RIPK1: variants seen among roughly 807,000 people sequenced by gnomAD.
RIPK1 encodes the protein receptor interacting serine/threonine kinase 1, also known as receptor-interacting serine/threonine-protein kinase 1.
In RIPK1, 27 loss-of-function variants were observed where a neutral mutation model predicts 62.4. The observed-to-expected ratio is 0.43, with a 90% CI of 0.32 to 0.60. The LOEUF is 0.60. RIPK1 is among the 20% of genes least tolerant of loss of function. The probability of loss-of-function intolerance (pLI) is 0.07; values close to 1 mark genes in which losing one functional copy is unlikely to be tolerated. For missense variants in RIPK1, 735 were observed against 831.0 expected (o/e 0.88, Z 1.42); for synonymous variants, 287 against 303.2 (o/e 0.95, Z 0.55).
At chr6:3,103,843 T>C (rs1331864781) in intron 7 of RIPK1, among the ~76,000 whole-genome samples, 2 of 152,234 alleles carry the variant, frequency 1.3e-5, no homozygotes, top group African/African-American at 4.8e-5. Context: ...CATTATTTCA[T>C]ATGTGTATAT....
intron 1 of RIPK1, among the ~76,000 whole-genome samples, chr6:3,073,588 G>A (rs1758880785): frequency 6.6e-6 from 1 of 152,084 alleles, no homozygotes; most frequent in Non-Finnish European, 1.5e-5. Flanking sequence ...TCCCACCGAT[G>A]TAGTTGTTTC....
chr6:3,076,532 A>G (rs960102995), intron 1 of RIPK1, among the ~76,000 whole-genome samples: 4 of 151,218 alleles, frequency 2.6e-5, no homozygotes. Context: ...TTAAAAAATC[A>G]GCTGGTCACG....
chr6:3,072,083 C>T lies in RIPK1; in HGVS notation c.-61+3422C>T, dbSNP rs890591847. Among the ~76,000 whole-genome samples, 4 of 152,174 alleles carry T rather than the reference C, an allele frequency of 2.6e-5. No homozygotes were observed. Among genetic ancestry groups the T allele is most frequent in the South Asian group, 2.1e-4 (1 of 4,836 alleles). On this transcript the variant is annotated intron_variant, in intron 1 of 10. Coordinates refer to ENST00000259808, the MANE Select transcript of RIPK1 (RefSeq NM_001354930.2). The surrounding 1 kb of genome is among the most constrained non-coding windows in gnomAD (Gnocchi z 5.6). ...GGCATAACTGATTCTCTCCTCTGTA[C>T]ATGCTAAGTGTTTTACCTACTTTTG...
At chr6:3,110,204 A>ATT (rs3082523) in intron 9 of RIPK1, among the ~76,000 whole-genome samples, 11 of 98,454 alleles carry the variant, frequency 1.1e-4, no homozygotes, top group Admixed American at 8.5e-4. Flanking sequence ...AAGAATCACG[A>ATT]TTTTTTTTTT....
Position 3,103,054 on chromosome 6 carries a change from G to A in RIPK1, c.916-1171G>A, listed in dbSNP as rs377408429. Among the ~76,000 whole-genome samples, 8 of 152,268 alleles carry A rather than the reference G, an allele frequency of 5.3e-5. No homozygotes were observed. The East Asian group carries it at 7.7e-4, about 15-fold the overall frequency. ...TATAGTCACTCTAAGGAGTGTGAAAGTGTACCTCATGGTGGTTTTGACTTG... is the reference window on the plus strand; with the variant it reads ...TATAGTCACTCTAAGGAGTGTGAAAATGTACCTCATGGTGGTTTTGACTTG... On this transcript the variant is annotated intron_variant, in intron 7 of 10. Coordinates refer to ENST00000259808, the MANE Select transcript of RIPK1 (RefSeq NM_001354930.2).
At position 3,068,576 on chromosome 6, in the gene RIPK1, T is replaced by A. The variant is rs935063901; in HGVS notation, c.-146T>A. 9 of 985,046 alleles carry A rather than the reference T, an allele frequency of 9.1e-6. No homozygotes were observed. Among genetic ancestry groups the A allele is most frequent in the Middle Eastern group, 5.2e-4 (1 of 1,934 alleles). 61.0% of individuals were successfully genotyped at this position (985,046 alleles called of 1,614,324 possible). On this transcript the variant is annotated 5_prime_UTR_variant, in exon 1 of 11. Coordinates refer to ENST00000259808, the MANE Select transcript of RIPK1 (RefSeq NM_001354930.2). ...GCGGCGACTCCAGGGGACCCACAGC[T>A]GGGGCGCCAGAGCGCGGCCATCCGG...
chr6:3,087,647 T>G (rs566780175), intron 6 of RIPK1, among the ~76,000 whole-genome samples: 4 of 151,960 alleles, frequency 2.6e-5, no homozygotes, highest in African/African-American at 9.7e-5. Context: ...TCACGCCATT[T>G]TCCTGCCTCA....
At position 3,077,951 on chromosome 6, in the gene RIPK1, C is replaced by G; in HGVS notation, c.321+16C>G. On this transcript the variant is annotated intron_variant, in intron 3 of 10. Coordinates refer to ENST00000259808, the MANE Select transcript of RIPK1 (RefSeq NM_001354930.2). ...GAAAGCCGAGGTAGAGAGGGCCCCT[C>G]CGCACGGGGATCCCCAGCGCTTGGG... is the stretch of plus-strand genomic sequence containing the variant. 6.2e-7 allele frequency: 1 copy of G among 1,612,600 alleles called. No individual in the cohort carries two copies. Among genetic ancestry groups the G allele is most frequent in the African/African-American group, 1.3e-5 (1 of 75,052 alleles).
At chr6:3,094,658 C>T (rs1374044226) in intron 7 of RIPK1, among the ~76,000 whole-genome samples, 2 of 148,890 alleles carry the variant, frequency 1.3e-5, no homozygotes, top group African/African-American at 2.5e-5. Flanking sequence ...GCAAATAAAC[C>T]TAGAGAAAAA....
At chr6:3,087,661 T>TC (rs1259780420) in intron 6 of RIPK1, among the ~76,000 whole-genome samples, 1 of 151,870 alleles carries the variant, frequency 6.6e-6, no homozygotes. Context: ...TGCCTCAGCC[T>TC]CCCGAGTAGC....
intron 7 of RIPK1, among the ~76,000 whole-genome samples, chr6:3,102,696 G>T (rs145505828): frequency 6.6e-6 from 1 of 152,188 alleles, no homozygotes; most frequent in Non-Finnish European, 1.5e-5. Flanking sequence ...CGCCTCCCGG[G>T]TTCAAGCGAT....
rs979222105 is a variant in RIPK1, at chr6:3,072,399, A to G, written c.-61+3738A>G. ...TATCTTTATCTATTTACATATATAT[A>G]TATATAAAACACACACAAATGTGAA... On this transcript the variant is annotated intron_variant, in intron 1 of 10. Transcript: ENST00000259808. This position sits in a 1 kb window ranked among gnomAD's most constrained non-coding sequence, Gnocchi z 5.6. Among the ~76,000 whole-genome samples, 11 of 151,842 alleles carry G rather than the reference A, an allele frequency of 7.2e-5. No individual in the cohort carries two copies. Among genetic ancestry groups the G allele is most frequent in the Non-Finnish European group, 1.3e-4 (9 of 68,010 alleles).
Position 3,105,601 on chromosome 6 carries a change from A to G in RIPK1, c.1126A>G (p.Ser376Gly). Reference sequence around the variant, plus strand: ...AGAAGAGAATGAGCCCAGCCTGCAGAGTAAACTCCAAGACGAAGCCAACTA... The same window carrying G: ...AGAAGAGAATGAGCCCAGCCTGCAGGGTAAACTCCAAGACGAAGCCAACTA... ...PQEENEPSLQ[S>G]KLQDEANYHL... The change falls in exon 9 of 11, where the codon AGT becomes GGT. Residue 376 changes from serine to glycine, a missense_variant. By Grantham distance (56) the Ser-to-Gly change is moderately conservative (BLOSUM62 0). Around this residue, in one of 2 missense-constraint regions of RIPK1, gnomAD observed 671 missense variants for 726.2 expected, o/e 0.92. Transcript: ENST00000259808. The surrounding 1 kb of genome is among the most constrained non-coding windows in gnomAD (Gnocchi z 4.5). 6.2e-7 allele frequency: 1 copy of G among 1,614,132 alleles called. No individual in the cohort carries two copies. Among genetic ancestry groups the G allele is most frequent in the Non-Finnish European group, 8.5e-7 (1 of 1,180,000 alleles).
chr6:3,068,155 A>G (rs1758467451), upstream of RIPK1: 2 of 953,738 alleles, frequency 2.1e-6, no homozygotes, highest in South Asian at 9.7e-5. Flanking sequence ...AAATAATCAC[A>G]TTTCCTCCTC....
At chr6:3,086,510 C>T (rs1338755867) in intron 6 of RIPK1, among the ~76,000 whole-genome samples, 1 of 152,206 alleles carries the variant, frequency 6.6e-6, no homozygotes, top group East Asian at 1.9e-4. Flanking sequence ...TCCCACAAGC[C>T]CCACTTCAGG....
chr6:3,113,504 C>T lies in RIPK1; in HGVS notation c.*165C>T, dbSNP rs1411694863. ...ATAGCTGGAGAATGGGGAAAGAAAT[C>T]TGCAGCAAAGGGGTCTCACTCTGTT... On this transcript the variant is annotated 3_prime_UTR_variant, in exon 11 of 11. Transcript: ENST00000259808. The surrounding 1 kb of genome is among the most constrained non-coding windows in gnomAD (Gnocchi z 5.0). The T allele has an allele frequency of 1.6e-6, 1 of 640,256 alleles. No homozygotes were observed. Among genetic ancestry groups the T allele is most frequent in the East Asian group, 2.8e-5 (1 of 35,896 alleles). The allele number at this position is 640,256 out of a possible 1,614,324, so 39.7% of individuals were successfully genotyped here. A position where few individuals can be genotyped will look rare whatever the true frequency, so the allele number is the denominator to read the frequency against.
intron 1 of RIPK1, among the ~76,000 whole-genome samples, chr6:3,074,137 C>A (rs1758926438): frequency 6.6e-6 from 1 of 152,166 alleles, no homozygotes; most frequent in Non-Finnish European, 1.5e-5. Context: ...CAACCCTAGC[C>A]CCCGTTGATA....
At chr6:3,080,163 G>A (rs1475520783) in intron 3 of RIPK1, among the ~76,000 whole-genome samples, 1 of 152,200 alleles carries the variant, frequency 6.6e-6, no homozygotes, top group Non-Finnish European at 1.5e-5. Flanking sequence ...TATGGTTTGA[G>A]GGGGAATCTC....
chr6:3,069,527 C>G (rs545695264), intron 1 of RIPK1, among the ~76,000 whole-genome samples: 1 of 152,164 alleles, frequency 6.6e-6, no homozygotes. Flanking sequence ...TTTGGCTCTC[C>G]CTTAATCAGA....
Sources: gnomAD v4.1 joint callset for allele counts (sites outside exome capture counted in the v4.1 genomes callset) on GRCh38, gnomAD v4.1.1 for gene constraint, gnomAD v4.1.1 regional missense constraint, Gnocchi (gnomAD v3.1) non-coding constraint, MANE v1.5 for transcripts, NCBI Gene and HGNC (gene_info 2026-07-23, HGNC 2026-07-21) for gene names.